Variants in ZC3H13 observed in about 807,000 individuals in gnomAD.
ZC3H13 encodes zinc finger CCCH-type containing 13.
A neutral mutation model predicts 204.1 loss-of-function variants in ZC3H13; 64 were observed. The observed-to-expected ratio is 0.31, with a 90% confidence interval of 0.26 to 0.39. The LOEUF is 0.39. Among genes scored for constraint, ZC3H13 ranks in the 10% least tolerant of loss-of-function variants. ZC3H13 has a pLI of 1.00. For missense variants in ZC3H13, 1,833 were observed against 2,082.7 expected (o/e 0.88, Z 2.33); for synonymous variants, 667 against 693.7 (o/e 0.96, Z 0.60).
At chr13:46,034,971 T>C (rs2043123903) in intron 4 of ZC3H13, among the ~76,000 whole-genome samples, 1 of 152,004 alleles carries the variant, frequency 6.6e-6, no homozygotes, top group Non-Finnish European at 1.5e-5. Flanking sequence ...AGCTGAGAGG[T>C]CCTAAAAGAA....
rs1247192128 is a variant in ZC3H13, at chr13:45,956,505, A to G, written c.*622T>C. On this transcript the variant is annotated 3_prime_UTR_variant, in exon 19 of 19. Coordinates refer to ENST00000679008, the MANE Select transcript of ZC3H13 (RefSeq NM_001330564.2). ...TAGTACACAATCTCTGATAACAAAA[A>G]AAGCATTTAGGGTCAAAAGACATCC... The G allele has an allele frequency of 1.3e-5, 2 of 152,190 alleles. No homozygotes were observed. The highest frequency in any genetic ancestry group is 2.9e-5 in the Non-Finnish European group (2 of 68,008). 9.4% of individuals were successfully genotyped at this position (152,190 alleles called of 1,614,324 possible).
intron 1 of ZC3H13, among the ~76,000 whole-genome samples, chr13:46,050,811 A>G (rs898371945): frequency 1.9e-5 from 2 of 103,334 alleles, no homozygotes; most frequent in African/African-American, 8.6e-5. Context: ...TGCAGAAAAA[A>G]CAATTTGTTA....
chr13:46,040,955 G>T (rs1277942392), intron 4 of ZC3H13, among the ~76,000 whole-genome samples: 2 of 152,120 alleles, frequency 1.3e-5, no homozygotes, highest in African/African-American at 4.8e-5. Flanking sequence ...ATGATGTGCA[G>T]AAACTAGAAC....
chr13:46,015,170 A>G (rs1056642250), intron 5 of ZC3H13, among the ~76,000 whole-genome samples: 3 of 152,146 alleles, frequency 2.0e-5, no homozygotes, highest in Admixed American at 6.5e-5. Flanking sequence ...CCACTTGAAA[A>G]CATTAATGTT....
rs1456699668 is a variant in ZC3H13, at chr13:46,022,542, T to G, written c.340-1985A>C. Among the ~76,000 whole-genome samples the G allele has an allele frequency of 1.6e-4, 24 of 151,954 alleles. 1 individual carries two copies. Among genetic ancestry groups the G allele is most frequent in the Admixed American group, 1.6e-3 (24 of 15,254 alleles). On this transcript the variant is annotated intron_variant, in intron 4 of 18. Transcript: ENST00000679008. The stretch of plus-strand genomic sequence containing the variant: ...TACTATTCCACCTTGCTGTATTTCT[T>G]GAACAGAATGGCTTCTCATCTTCTC...
chr13:46,036,999 G>A (rs1260097049), intron 4 of ZC3H13, among the ~76,000 whole-genome samples: 2 of 152,000 alleles, frequency 1.3e-5, no homozygotes, highest in African/African-American at 2.4e-5. Context: ...GATTACAGGC[G>A]TGAGCCACCA....
chr13:46,022,891 C>A (rs951490951), intron 4 of ZC3H13, among the ~76,000 whole-genome samples: 10 of 140,742 alleles, frequency 7.1e-5, no homozygotes, highest in Admixed American at 1.4e-4. Flanking sequence ...GGTTTTGCTC[C>A]CAAATGTCTG....
intron 8 of ZC3H13, among the ~76,000 whole-genome samples, chr13:45,991,449 C>T (rs2039965674): frequency 1.3e-5 from 2 of 152,194 alleles, no homozygotes; most frequent in Non-Finnish European, 2.9e-5. Context: ...ACTCAACCTT[C>T]ACCTACGTCC....
intron 16 of ZC3H13, among the ~76,000 whole-genome samples, chr13:45,964,758 G>T (rs1352100531): frequency 6.6e-6 from 1 of 152,062 alleles, no homozygotes; most frequent in African/African-American, 2.4e-5. Context: ...GAATATTAAG[G>T]GGTGTTGCTT....
At chr13:46,034,597 T>C (rs1208087763) in intron 4 of ZC3H13, among the ~76,000 whole-genome samples, 1 of 152,138 alleles carries the variant, frequency 6.6e-6, no homozygotes, top group African/African-American at 2.4e-5. Flanking sequence ...AGGCGACTGA[T>C]GACAAAAAGG....
Position 45,968,728 on chromosome 13 carries a change from T to C in ZC3H13, c.3796+20A>G, listed in dbSNP as rs1952304829. 1 of 1,557,266 alleles carries C rather than the reference T, an allele frequency of 6.4e-7. No individual in the cohort carries two copies. The highest frequency in any genetic ancestry group is 1.4e-5 in the African/African-American group (1 of 72,538). On this transcript the variant is annotated intron_variant, in intron 14 of 18. Coordinates refer to ENST00000679008, the MANE Select transcript of ZC3H13 (RefSeq NM_001330564.2). ...ACTAACCTAGGAAACAGTGACTAGATCACAATTCAATTTTATTACCTGAAG... is the reference window on the plus strand; with the variant it reads ...ACTAACCTAGGAAACAGTGACTAGACCACAATTCAATTTTATTACCTGAAG...
At chr13:45,970,546 T>A in intron 12 of ZC3H13, 81 bp from the exon 13 acceptor site, 2 of 1,099,130 alleles carry the variant, frequency 1.8e-6, no homozygotes, top group Non-Finnish European at 2.7e-6. Flanking sequence ...AGTATCTCTT[T>A]ACTATAACTG....
rs75328188 is a variant in ZC3H13 at position 46,006,194 on chromosome 13, C to T, written c.747-2858G>A. Among the ~76,000 whole-genome samples, 953 of 151,872 alleles carry T rather than the reference C, an allele frequency of 6.3e-3. 23 individuals carry two copies. The highest frequency in any genetic ancestry group is 0.048 in the East Asian group (245 of 5,142). ...CTGACTCAGCACAAGAAGACAGCTTCGACTCCCTCGGATTTCATCTCTGAC... is the reference window on the plus strand; with the variant it reads ...CTGACTCAGCACAAGAAGACAGCTTTGACTCCCTCGGATTTCATCTCTGAC... On this transcript the variant is annotated intron_variant, in intron 7 of 18. Coordinates refer to ENST00000679008, the MANE Select transcript of ZC3H13 (RefSeq NM_001330564.2).
chr13:46,049,264 T>C (rs998884953), intron 1 of ZC3H13, among the ~76,000 whole-genome samples: 4 of 152,042 alleles, frequency 2.6e-5, no homozygotes, highest in Non-Finnish European at 5.9e-5. Context: ...AGCAAGGTCC[T>C]GGACTGAACA....
chr13:45,957,410 G>C, intron 18 of ZC3H13, 113 bp from the exon 19 acceptor site: 2 of 1,018,186 alleles, frequency 2.0e-6, no homozygotes, highest in Non-Finnish European at 2.6e-6. Flanking sequence ...TTTCATTTTG[G>C]ATATTAAATT....
intron 10 of ZC3H13, among the ~76,000 whole-genome samples, chr13:45,982,193 C>T (rs919349817): frequency 5.3e-5 from 8 of 151,732 alleles, no homozygotes; most frequent in African/African-American, 1.9e-4. Flanking sequence ...AAAAGAATTA[C>T]AGCATGATTC....
chr13:46,000,276 C>T (rs2040647092), intron 8 of ZC3H13, among the ~76,000 whole-genome samples: 1 of 152,188 alleles, frequency 6.6e-6, no homozygotes, highest in East Asian at 1.9e-4. Flanking sequence ...ATGGCATCTT[C>T]TTCCAATAAG....
intron 4 of ZC3H13, among the ~76,000 whole-genome samples, chr13:46,028,387 CT>C (rs1566320766): frequency 1.3e-5 from 2 of 152,190 alleles, no homozygotes; most frequent in African/African-American, 4.8e-5. Flanking sequence ...ATTTCACACC[CT>C]TCCATCATAA....
At chr13:45,986,938 T>C (rs1305366616) in intron 9 of ZC3H13, among the ~76,000 whole-genome samples, 1 of 152,146 alleles carries the variant, frequency 6.6e-6, no homozygotes, top group Non-Finnish European at 1.5e-5. Context: ...TGTCCATATA[T>C]CCATATCCAC....
Sources: gnomAD v4.1 joint callset for allele counts (sites outside exome capture counted in the v4.1 genomes callset) on GRCh38, gnomAD v4.1.1 for gene constraint, MANE v1.5 for transcripts, NCBI Gene and HGNC (gene_info 2026-07-23, HGNC 2026-07-21) for gene names.